Variants in TASP1 observed in about 807,000 individuals in gnomAD.
The protein encoded by TASP1 is threonine aspartase 1.
In TASP1, 16 loss-of-function variants were observed where a neutral mutation model predicts 56.6. The ratio of observed to expected loss-of-function variants is 0.28; its 90% CI spans 0.19 to 0.43. TASP1 has a LOEUF of 0.43. Among genes scored for constraint, TASP1 ranks in the 20% least tolerant of loss-of-function variants. TASP1 has a pLI of 1.00. For missense variants in TASP1, 393 were observed against 511.6 expected (o/e 0.77, Z 2.24); for synonymous variants, 179 against 184.2 (o/e 0.97, Z 0.23).
chr20:13,242,097 G>A, the TASP1 span, among the ~76,000 whole-genome samples: 4 of 152,300 alleles, frequency 2.6e-5, no homozygotes, highest in Non-Finnish European at 4.4e-5. Context: ...AATGGAAAGT[G>A]TCTTTATGTA....
chr20:13,493,806 T>C (rs1013365430), intron 10 of TASP1, among the ~76,000 whole-genome samples: 2 of 152,210 alleles, frequency 1.3e-5, no homozygotes, highest in African/African-American at 2.4e-5. Flanking sequence ...TGTAGAAATT[T>C]ACCCAATATT....
the TASP1 span, among the ~76,000 whole-genome samples, chr20:13,383,129 C>G: frequency 6.6e-6 from 1 of 152,150 alleles, no homozygotes. Context: ...CAAGAAGGAG[C>G]AGATCCCAGG....
At chr20:13,444,912 C>T (rs1238907565) in intron 11 of TASP1, among the ~76,000 whole-genome samples, 2 of 152,146 alleles carry the variant, frequency 1.3e-5, no homozygotes, top group African/African-American at 4.8e-5. Context: ...CCACCTCCAG[C>T]CCAGCTTATG....
At chr20:13,204,513 CTGGATTT>C in the TASP1 span, among the ~76,000 whole-genome samples, 1 of 143,620 alleles carries the variant, frequency 7.0e-6, no homozygotes, top group East Asian at 2.5e-4. Flanking sequence ...CTTTTTAATC[CTGGATTT>C]ATATATTCAT....
At chr20:13,316,840 A>G in the TASP1 span, among the ~76,000 whole-genome samples, 1 of 151,956 alleles carries the variant, frequency 6.6e-6, no homozygotes, top group Non-Finnish European at 1.5e-5. Flanking sequence ...ACTTAGCGGT[A>G]AGAAACTCAA....
the TASP1 span, among the ~76,000 whole-genome samples, chr20:13,298,643 C>T: frequency 6.6e-6 from 1 of 152,092 alleles, no homozygotes; most frequent in Non-Finnish European, 1.5e-5. Flanking sequence ...TAAGAATATT[C>T]TCTACTTTTC....
chr20:13,285,211 A>G, the TASP1 span, among the ~76,000 whole-genome samples: 391 of 152,284 alleles, frequency 2.6e-3, 1 homozygote, highest in Non-Finnish European at 4.8e-3. Flanking sequence ...GGATTGCTTG[A>G]GCCCAGGAAT....
chr20:13,309,931 A>G, the TASP1 span, among the ~76,000 whole-genome samples: 1 of 152,208 alleles, frequency 6.6e-6, no homozygotes, highest in African/African-American at 2.4e-5. Flanking sequence ...TCAATGAAAG[A>G]AACTGAATAA....
intron 10 of TASP1, among the ~76,000 whole-genome samples, chr20:13,497,101 G>C (rs551817389): frequency 2.0e-5 from 3 of 152,294 alleles, no homozygotes; most frequent in South Asian, 4.1e-4. Context: ...CTTTCCTACA[G>C]GTCTTCACTA....
In TASP1 at chr20:13,448,044, C is replaced by T. The variant is rs141055136; in HGVS notation, c.986-12890G>A. Among the ~76,000 whole-genome samples the T allele has an allele frequency of 4.5e-3, 689 of 152,142 alleles. 3 individuals carry two copies. The highest frequency in any genetic ancestry group is 0.012 in the East Asian group (60 of 5,176). On this transcript the variant is annotated intron_variant, in intron 11 of 13. Transcript: ENST00000337743. Reference sequence around the variant, plus strand: ...TTGGCAGTTTTACAAGAAAGGTCTTCCCTAATCAAAAATTATGAAAATAAC... The same window carrying T: ...TTGGCAGTTTTACAAGAAAGGTCTTTCCTAATCAAAAATTATGAAAATAAC...
At chr20:13,114,554 G>A in the TASP1 span, among the ~76,000 whole-genome samples, 2 of 152,164 alleles carry the variant, frequency 1.3e-5, no homozygotes, top group Non-Finnish European at 2.9e-5. Flanking sequence ...TGTAGCCTCA[G>A]AATACCATTT....
chr20:13,627,842 G>A (rs1157325342), intron 2 of TASP1, among the ~76,000 whole-genome samples: 1 of 151,600 alleles, frequency 6.6e-6, no homozygotes. Flanking sequence ...CCTTTTTCCT[G>A]TAAATAATTA....
the TASP1 span, chr20:13,165,963 C>T: frequency 6.6e-6 from 1 of 152,356 alleles, no homozygotes; most frequent in African/African-American, 2.4e-5. Flanking sequence ...CTTGTGTTCT[C>T]TCTTTCTTGC....
At chr20:13,221,715 C>T in the TASP1 span, 23 of 1,318,790 alleles carry the variant, frequency 1.7e-5, no homozygotes, top group Non-Finnish European at 2.1e-5. Context: ...CCTCCTCCCC[C>T]GGCGTCACCG....
intron 13 of TASP1, among the ~76,000 whole-genome samples, chr20:13,414,660 T>A (rs2042196177): frequency 6.6e-6 from 1 of 152,204 alleles, no homozygotes; most frequent in Admixed American, 6.5e-5. Context: ...AAACTCTTCA[T>A]TAACTGTCTG....
chr20:13,117,395 A>T, the TASP1 span: 5 of 1,055,378 alleles, frequency 4.7e-6, no homozygotes, highest in Non-Finnish European at 6.7e-6. Flanking sequence ...CCTTCAGAAC[A>T]AAGGAATGGC....
the TASP1 span, among the ~76,000 whole-genome samples, chr20:13,177,593 C>T: frequency 6.6e-6 from 1 of 152,054 alleles, no homozygotes; most frequent in Admixed American, 6.6e-5. Flanking sequence ...AAAGGAGAAC[C>T]CAGATATTAA....
chr20:13,192,599 T>A, the TASP1 span, among the ~76,000 whole-genome samples: 3 of 151,970 alleles, frequency 2.0e-5, no homozygotes, highest in Non-Finnish European at 4.4e-5. Flanking sequence ...AGTGGTGCAA[T>A]CACAGCTCAC....
the TASP1 span, among the ~76,000 whole-genome samples, chr20:13,233,488 G>A: frequency 2.6e-5 from 4 of 151,634 alleles, no homozygotes; most frequent in Non-Finnish European, 2.9e-5. Flanking sequence ...CCAGCTACTC[G>A]GGAGGCTGAG....
Sources: allele counts gnomAD v4.1 joint callset (sites outside exome capture counted in the v4.1 genomes callset), GRCh38; gene constraint gnomAD v4.1.1; transcripts MANE v1.5; gene names NCBI Gene and HGNC (gene_info 2026-07-23, HGNC 2026-07-21).